Variants in RFK observed in about 807,000 individuals in gnomAD.
The protein encoded by RFK is 0610038L10Rik.
In RFK, 4 loss-of-function variants were observed where a neutral mutation model predicts 17.6. The observed-to-expected ratio is 0.23, with a 90% CI of 0.11 to 0.52. The LOEUF (loss-of-function observed/expected upper bound fraction) is 0.52, where lower values mean the gene tolerates loss of function less well. RFK is among the 20% of genes least tolerant of loss of function. RFK has a pLI of 0.96. For missense variants in RFK, 189 were observed against 187.7 expected (o/e 1.01, Z -0.04); for synonymous variants, 59 against 63.8 (o/e 0.92, Z 0.36).
At chr9:76,388,691 G>C (rs1822776273) in intron 2 of RFK, 35 bp from the exon 3 acceptor site, 1 of 1,256,614 alleles carries the variant, frequency 8.0e-7, no homozygotes, top group Non-Finnish European at 1.2e-6. Flanking sequence ...AGTGCTATCA[G>C]ACTACAGTGT....
intron 2 of RFK, among the ~76,000 whole-genome samples, chr9:76,389,638 A>C (rs1229588002): frequency 6.6e-6 from 1 of 151,966 alleles, no homozygotes; most frequent in African/African-American, 2.4e-5. Flanking sequence ...GCGCATGCCT[A>C]TAGTCCCAGC....
intron 3 of RFK, chr9:76,387,953 G>A (rs902046360): frequency 3.6e-5 from 9 of 248,676 alleles, no homozygotes; most frequent in East Asian, 3.6e-4. Flanking sequence ...GAGAGGGGGC[G>A]TCACTGCACT....
In RFK at chr9:76,386,594, G is replaced by A. The variant is rs982795124; in HGVS notation, c.*805C>T. 1 of 152,074 alleles carries A rather than the reference G, an allele frequency of 6.6e-6. No homozygotes were observed. The highest frequency in any genetic ancestry group is 2.4e-5 in the African/African-American group (1 of 41,374). 9.4% of individuals were successfully genotyped at this position (152,074 alleles called of 1,614,324 possible). A position where few individuals can be genotyped will look rare whatever the true frequency, so the allele number is the denominator to read the frequency against. ...AGAAGAAACATTATCCAACAAAAAG[G>A]AGACATATAGATTTGAAAACACTTA... On this transcript the variant is annotated 3_prime_UTR_variant, in exon 4 of 4. Coordinates refer to ENST00000376736, the MANE Select transcript of RFK (RefSeq NM_018339.6).
In RFK at chr9:76,391,397, A is replaced by G. The variant is rs552938937; in HGVS notation, c.234+1021T>C. On this transcript the variant is annotated intron_variant, in intron 2 of 3. Coordinates refer to ENST00000376736, the MANE Select transcript of RFK (RefSeq NM_018339.6). ...GGGGTCCTGTAAAGAGTAGGGCAGA[A>G]AAGTATACCCTCAGGTGGTTTAAAA... 4.6e-5 allele frequency among the ~76,000 whole-genome samples: 7 copies of G among 152,356 alleles called. No homozygotes were observed. The East Asian group carries it at 1.3e-3, about 29-fold the overall frequency.
chr9:76,387,032 G>A lies in RFK; in HGVS notation c.*367C>T. On this transcript the variant is annotated 3_prime_UTR_variant, in exon 4 of 4. Coordinates refer to ENST00000376736, the MANE Select transcript of RFK (RefSeq NM_018339.6). ...GCATTTACTTTTATAAGCCTTCTCT[G>A]TTTAGAAGTACACACTACACAAGTA... 6.1e-6 allele frequency: 1 copy of A among 163,334 alleles called. No individual in the cohort carries two copies. Among genetic ancestry groups the A allele is most frequent in the Non-Finnish European group, 1.3e-5 (1 of 74,512 alleles). 10.1% of individuals were successfully genotyped at this position (163,334 alleles called of 1,614,324 possible). A position where few individuals can be genotyped will look rare whatever the true frequency, so the allele number is the denominator to read the frequency against.
At chr9:76,390,724 A>ACC in intron 2 of RFK, among the ~76,000 whole-genome samples, 1 of 102,436 alleles carries the variant, frequency 9.8e-6, no homozygotes, top group African/African-American at 2.8e-5. Context: ...AAAAAAAAAA[A>ACC]ACCACACACA....
Position 76,394,280 on chromosome 9 carries a change from T to A in RFK, c.-109A>T. The A allele has an allele frequency of 9.0e-7, 1 of 1,115,150 alleles. No individual in the cohort carries two copies. The highest frequency in any genetic ancestry group is 1.2e-6 in the Non-Finnish European group (1 of 811,206). 69.1% of individuals were successfully genotyped at this position (1,115,150 alleles called of 1,614,324 possible). On this transcript the variant is annotated 5_prime_UTR_variant, in exon 1 of 4. Transcript: ENST00000376736. ...CCAGCCGGGGGACAGGAGCGTGAGC[T>A]CTGCCTGCCGCGGGGGCGCACCAGT...
Position 76,394,319 on chromosome 9 carries a change from C to G in RFK, c.-148G>C. 1.5e-6 allele frequency: 1 copy of G among 674,880 alleles called. No homozygotes were observed. Among genetic ancestry groups the G allele is most frequent in the East Asian group, 3.3e-5 (1 of 30,432 alleles). 41.8% of individuals were successfully genotyped at this position (674,880 alleles called of 1,614,324 possible). A position where few individuals can be genotyped will look rare whatever the true frequency, so the allele number is the denominator to read the frequency against. ...GGGCGCACCAGTGGCCGGACGACGC[C>G]GACCACAGGCCACTGCGAATCCCTG... is the stretch of plus-strand genomic sequence containing the variant. On this transcript the variant is annotated 5_prime_UTR_variant, in exon 1 of 4. Coordinates refer to ENST00000376736, the MANE Select transcript of RFK (RefSeq NM_018339.6).
In RFK at chr9:76,394,402, G is replaced by A. The variant is rs1325137946; in HGVS notation, c.-231C>T. 7 of 470,248 alleles carry A rather than the reference G, an allele frequency of 1.5e-5. No homozygotes were observed. Among genetic ancestry groups the A allele is most frequent in the South Asian group, 3.1e-5 (1 of 31,932 alleles). 29.1% of individuals were successfully genotyped at this position (470,248 alleles called of 1,614,324 possible). On this transcript the variant is annotated 5_prime_UTR_variant, in exon 1 of 4. Transcript: ENST00000376736. ...CTGAGGAGCTGCGTCTCCGCTGGAG[G>A]GCAGCGGAGACAGCCGAAGTAAGTG...
Position 76,394,404 on chromosome 9 carries a change from C to G in RFK, c.-233G>C. On this transcript the variant is annotated 5_prime_UTR_variant, in exon 1 of 4. Coordinates refer to ENST00000376736, the MANE Select transcript of RFK (RefSeq NM_018339.6). The stretch of plus-strand genomic sequence containing the variant: ...GAGGAGCTGCGTCTCCGCTGGAGGG[C>G]AGCGGAGACAGCCGAAGTAAGTGCC... 2.2e-6 allele frequency: 1 copy of G among 456,584 alleles called. No homozygotes were observed. Among genetic ancestry groups the G allele is most frequent in the Non-Finnish European group, 3.9e-6 (1 of 259,192 alleles). 28.3% of individuals were successfully genotyped at this position (456,584 alleles called of 1,614,324 possible).
At chr9:76,389,769 CA>C (rs941726908) in intron 2 of RFK, among the ~76,000 whole-genome samples, 18 of 151,274 alleles carry the variant, frequency 1.2e-4, no homozygotes, top group Admixed American at 4.6e-4. Flanking sequence ...GACTCCATCT[CA>C]AAAAAAAATT....
rs777244836 is a variant in RFK at position 76,387,504 on chromosome 9, A to G, written c.363T>C (p.Gly121=). Residue 121 remains glycine, a synonymous_variant, in exon 4 of 4, where the codon GGT becomes GGC. Transcript: ENST00000376736. ...SLESLISAIQ[G]DIEEAKKRLE... ...GTCGTTTCTTAGCTTCTTCAATATC[A>G]CCTTGAATTGCTGAAATAAGTGACT... The G allele has an allele frequency of 8.2e-5, 132 of 1,611,152 alleles. No individual in the cohort carries two copies. The highest frequency in any genetic ancestry group is 1.1e-4 in the Non-Finnish European group (126 of 1,179,440).
chr9:76,392,675 G>A (rs1587392657), intron 1 of RFK, 106 bp from the exon 2 acceptor site: 2 of 1,078,764 alleles, frequency 1.9e-6, no homozygotes, highest in South Asian at 2.9e-5. Flanking sequence ...GAGAGGCCAA[G>A]GCAGGAGGCT....
intron 2 of RFK, among the ~76,000 whole-genome samples, chr9:76,391,034 A>G (rs1384176490): frequency 1.3e-5 from 2 of 152,202 alleles, no homozygotes; most frequent in African/African-American, 4.8e-5. Context: ...GCTAAAGACA[A>G]ATTAGTTATG....
At chr9:76,389,951 T>C (rs960252326) in intron 2 of RFK, among the ~76,000 whole-genome samples, 1 of 152,106 alleles carries the variant, frequency 6.6e-6, no homozygotes, top group African/African-American at 2.4e-5. Context: ...AAAATTTATA[T>C]GGAAAAACCA....
rs143475639 is a variant in RFK, at chr9:76,391,108, G to A, written c.234+1310C>T. Among the ~76,000 whole-genome samples, 7 of 152,114 alleles carry A rather than the reference G, an allele frequency of 4.6e-5. No individual in the cohort carries two copies. The East Asian group carries it at 5.8e-4, about 13-fold the overall frequency. ...ACAGAATGGTATTTTGTGATCTTTC[G>A]ATTGTTTTCCTTGTCTCCAAAAAAT... On this transcript the variant is annotated intron_variant, in intron 2 of 3. Coordinates refer to ENST00000376736, the MANE Select transcript of RFK (RefSeq NM_018339.6).
intron 2 of RFK, among the ~76,000 whole-genome samples, chr9:76,388,893 TAAAAACAA>T (rs1822778696): frequency 2.6e-5 from 4 of 152,236 alleles, no homozygotes; most frequent in African/African-American, 7.2e-5. Context: ...TGCTGTTACT[TAAAAACAA>T]ACAAACAAAC....
Position 76,392,498 on chromosome 9 carries a change from T to C in RFK, c.154A>G (p.Ser52Gly), listed in dbSNP as rs1213661469. ...ISTGIYYGWASVGSGDVHKMV... is the reference protein window; with the variant it reads ...ISTGIYYGWAGVGSGDVHKMV... ...TTATGGACATCTCCACTTCCAACAC[T>C]GGCCCAACCATAGTAAATACCAGTG... Residue 52 changes from serine (S) to glycine (G), a missense_variant, in exon 2 of 4, where the codon AGT becomes GGT. Physicochemically the swap from Ser to Gly is moderately conservative, Grantham distance 56. Transcript: ENST00000376736. 6.2e-7 allele frequency: 1 copy of C among 1,614,180 alleles called. No homozygotes were observed.
chr9:76,391,740 T>C (rs902909908), intron 2 of RFK, among the ~76,000 whole-genome samples: 2 of 152,194 alleles, frequency 1.3e-5, no homozygotes, highest in African/African-American at 2.4e-5. Context: ...TTATTAATCT[T>C]TGTTATTGGG....
Sources: allele counts gnomAD v4.1 joint callset (sites outside exome capture counted in the v4.1 genomes callset), GRCh38; gene constraint gnomAD v4.1.1; transcripts MANE v1.5; gene names NCBI Gene and HGNC (gene_info 2026-07-23, HGNC 2026-07-21).